The following PTGIS variants were observed in gnomAD, a reference collection of about 807,000 sequenced individuals.
PTGIS encodes the protein prostaglandin I2 synthase.
In PTGIS, 45 loss-of-function variants were observed where a neutral mutation model predicts 50.3. The ratio of observed to expected loss-of-function variants is 0.90; its 90% CI spans 0.70 to 1.15. The LOEUF (loss-of-function observed/expected upper bound fraction) is 1.15, where lower values mean the gene tolerates loss of function less well. Ranked by LOEUF, PTGIS falls within the 50% of genes most tolerant of loss-of-function variation. The pLI is 0.00. For synonymous variants in PTGIS, 260 were observed against 267.7 expected, an observed-to-expected ratio of 0.97 and a Z score of 0.28; for missense variants, 668 against 661.3, an observed-to-expected ratio of 1.01 and a Z score of -0.11.
At chr20:49,537,756 A>AAAAAAC (rs967985309) in intron 5 of PTGIS, among the ~76,000 whole-genome samples, 4 of 152,176 alleles carry the variant, frequency 2.6e-5, no homozygotes, top group African/African-American at 9.6e-5. Context: ...CTCTGTCTCA[A>AAAAAAC]AAAAACAAAA....
chr20:49,548,819 A>C (rs771831586), intron 2 of PTGIS, among the ~76,000 whole-genome samples: 2 of 152,014 alleles, frequency 1.3e-5, no homozygotes, highest in Non-Finnish European at 2.9e-5. Context: ...GGAAGGATAG[A>C]TCAATGAATC....
Position 49,544,225 on chromosome 20 carries a change from G to A in PTGIS, c.521+80C>T, listed in dbSNP as rs1601196750. On this transcript the variant is annotated intron_variant, in intron 4 of 9. Coordinates refer to ENST00000244043, the MANE Select transcript of PTGIS (RefSeq NM_000961.4). The stretch of plus-strand genomic sequence containing the variant: ...TTCCCCCACCCACAGAGTCCTCACG[G>A]TTCCCTTGGCCACTGCTCATGGCTG... 22 of 1,580,156 alleles carry A rather than the reference G, an allele frequency of 1.4e-5. 1 individual carries two copies. In the South Asian group the frequency reaches 2.4e-4, roughly 17 times the overall value.
chr20:49,526,019 G>A (rs775289622), intron 5 of PTGIS, among the ~76,000 whole-genome samples: 3 of 152,102 alleles, frequency 2.0e-5, no homozygotes, highest in Admixed American at 1.3e-4. Context: ...CACCATTTCG[G>A]GTGACATTTC....
At chr20:49,515,031 G>A (rs74950001) in intron 6 of PTGIS, among the ~76,000 whole-genome samples, 314 of 152,310 alleles carry the variant, frequency 2.1e-3, no homozygotes, top group African/African-American at 7.5e-3. Flanking sequence ...CCACAGACCC[G>A]TGAGTTAAAT....
At chr20:49,548,478 G>A (rs1490530469) in intron 2 of PTGIS, among the ~76,000 whole-genome samples, 2 of 152,056 alleles carry the variant, frequency 1.3e-5, no homozygotes, top group African/African-American at 4.8e-5. Context: ...ATGGTTGGAT[G>A]GAAGAATGGA....
chr20:49,549,131 GTAGA>G (rs937090339), intron 2 of PTGIS, among the ~76,000 whole-genome samples: 11 of 152,114 alleles, frequency 7.2e-5, no homozygotes, highest in African/African-American at 2.7e-4. Flanking sequence ...AGAAAGATGC[GTAGA>G]TAAACAGAAA....
rs1288919785 is a variant in PTGIS, at chr20:49,540,220, G to A, written c.522-499C>T. Among the ~76,000 whole-genome samples, 3 of 152,156 alleles carry A rather than the reference G, an allele frequency of 2.0e-5. No individual in the cohort carries two copies. Among genetic ancestry groups the A allele is most frequent in the African/African-American group, 7.2e-5 (3 of 41,424 alleles). On this transcript the variant is annotated intron_variant, in intron 4 of 9. Coordinates refer to ENST00000244043, the MANE Select transcript of PTGIS (RefSeq NM_000961.4). The surrounding 1 kb of genome is among the most constrained non-coding windows in gnomAD (Gnocchi z 4.8). The stretch of plus-strand genomic sequence containing the variant: ...CTGATGAGGCTGCAGCAGAGAGCTC[G>A]AGGGGACGGTGCTGAGATGGGGGCA...
intron 6 of PTGIS, 33 bp from the exon 7 acceptor site, chr20:49,514,428 T>C (rs1040628198): frequency 4.3e-6 from 7 of 1,609,354 alleles, no homozygotes; most frequent in Non-Finnish European, 5.1e-6. Flanking sequence ...TATGCCATTA[T>C]GAGGGCAGAG....
intron 1 of PTGIS, among the ~76,000 whole-genome samples, chr20:49,554,176 G>A (rs533325881): frequency 6.6e-6 from 1 of 152,234 alleles, no homozygotes; most frequent in Non-Finnish European, 1.5e-5. Flanking sequence ...GAGAAGGACT[G>A]AGAGAATAAT....
chr20:49,533,132 G>A (rs370900280), intron 5 of PTGIS, among the ~76,000 whole-genome samples: 4 of 152,114 alleles, frequency 2.6e-5, no homozygotes, highest in East Asian at 1.9e-4. Flanking sequence ...CAAAAAATGA[G>A]GACCCAGACT....
chr20:49,567,001 TA>T (rs1982916024), intron 1 of PTGIS, among the ~76,000 whole-genome samples: 2 of 152,190 alleles, frequency 1.3e-5, no homozygotes, highest in South Asian at 4.1e-4. Flanking sequence ...CAACTTTCTG[TA>T]AATCCCAAAC....
In PTGIS at chr20:49,568,063, T is replaced by TAGCAGC. The variant is rs1360658271; in HGVS notation, c.48_53dup (p.Leu18_Leu19dup). On this transcript the variant is annotated inframe_insertion, in exon 1 of 10. Coordinates refer to ENST00000244043, the MANE Select transcript of PTGIS (RefSeq NM_000961.4). Reference sequence around the variant, plus strand: ...CTCACCGCGTGCGGCGGCGGCTCAGTAGCAGCAGCAGCAACAGTGCGGCCA... The same window carrying TAGCAGC: ...CTCACCGCGTGCGGCGGCGGCTCAGTAGCAGCAGCAGCAGCAGCAACAGTGCGGCCA... 2.0e-6 allele frequency: 3 copies of TAGCAGC among 1,478,832 alleles called. No homozygotes were observed. The African/African-American group carries it at 4.5e-5, about 22-fold the overall frequency. The allele number at this position is 1,478,832 out of a possible 1,614,324, so 91.6% of individuals were successfully genotyped here. A position where few individuals can be genotyped will look rare whatever the true frequency, so the allele number is the denominator to read the frequency against.
intron 8 of PTGIS, among the ~76,000 whole-genome samples, chr20:49,511,616 T>C (rs545498666): frequency 2.0e-5 from 3 of 152,264 alleles, no homozygotes; most frequent in Non-Finnish European, 2.9e-5. Context: ...TATTCTATGA[T>C]ATATATTACT....
At chr20:49,538,333 G>C (rs1982135235) in intron 5 of PTGIS, among the ~76,000 whole-genome samples, 1 of 150,340 alleles carries the variant, frequency 6.7e-6, no homozygotes, top group African/African-American at 2.4e-5. Context: ...GGAGGCCAAG[G>C]CAGGAGGATC....
At chr20:49,547,034 C>G (rs1222597985) in intron 3 of PTGIS, among the ~76,000 whole-genome samples, 1 of 152,174 alleles carries the variant, frequency 6.6e-6, no homozygotes, top group Non-Finnish European at 1.5e-5. Flanking sequence ...GAGTTCGAGA[C>G]CTGCCTGGAC....
At chr20:49,563,217 A>C (rs996584750) in intron 1 of PTGIS, among the ~76,000 whole-genome samples, 2 of 152,130 alleles carry the variant, frequency 1.3e-5, no homozygotes, top group African/African-American at 4.8e-5. Context: ...AGCTGGAGCA[A>C]CCCAAAATTC....
At chr20:49,537,150 C>T (rs1400303812) in intron 5 of PTGIS, among the ~76,000 whole-genome samples, 1 of 152,204 alleles carries the variant, frequency 6.6e-6, no homozygotes, top group African/African-American at 2.4e-5. Context: ...AAGCTCTCCC[C>T]TGGAGACCTG....
intron 3 of PTGIS, among the ~76,000 whole-genome samples, 167 bp from the exon 4 acceptor site, chr20:49,544,615 G>A (rs1374107677): frequency 5.9e-5 from 9 of 152,154 alleles, no homozygotes; most frequent in East Asian, 1.9e-4. Context: ...GACTGTCATC[G>A]TCAACAATAG....
chr20:49,513,941 G>A (rs1268081905), intron 7 of PTGIS, among the ~76,000 whole-genome samples: 1 of 152,240 alleles, frequency 6.6e-6, no homozygotes, highest in Non-Finnish European at 1.5e-5. Flanking sequence ...TTGTTAAAGT[G>A]CATGGATCCA....
Sources: gnomAD v4.1 joint callset for allele counts (sites outside exome capture counted in the v4.1 genomes callset) on GRCh38, gnomAD v4.1.1 for gene constraint, Gnocchi (gnomAD v3.1) non-coding constraint, MANE v1.5 for transcripts, NCBI Gene and HGNC (gene_info 2026-07-23, HGNC 2026-07-21) for gene names.